The following STK32B variants were observed in gnomAD, a reference collection of about 807,000 sequenced individuals.
STK32B encodes the protein serine/threonine-protein kinase 32B.
In STK32B, 43 loss-of-function variants were observed where a neutral mutation model predicts 52.6. The ratio of observed to expected loss-of-function variants is 0.82; its 90% CI spans 0.64 to 1.05. The LOEUF (loss-of-function observed/expected upper bound fraction) is 1.05, where lower values mean the gene tolerates loss of function less well. Among genes scored for constraint, STK32B ranks in the 50% least tolerant of loss-of-function variants. The probability of loss-of-function intolerance (pLI) is 0.00; values close to 1 mark genes in which losing one functional copy is unlikely to be tolerated. For synonymous variants in STK32B, 238 were observed against 204.3 expected (o/e 1.17, Z -1.41); for missense variants, 621 against 534.6 (o/e 1.16, Z -1.59).
the STK32B span, among the ~76,000 whole-genome samples, chr4:5,045,653 G>A: frequency 2.5e-4 from 38 of 151,928 alleles, no homozygotes; most frequent in Non-Finnish European, 4.4e-4. Flanking sequence ...GTATTCCTAG[G>A]TACTCTTTGT....
intron 11 of STK32B, among the ~76,000 whole-genome samples, chr4:5,471,836 C>T (rs920574262): frequency 2.6e-5 from 4 of 152,172 alleles, no homozygotes; most frequent in African/African-American, 9.7e-5. Context: ...CTCTGACTCC[C>T]TTGCCCTTAG....
Position 5,358,699 on chromosome 4 carries a change from A to ACGCGCG in STK32B, c.434+27306_434+27307insCGCGCG, listed in dbSNP as rs760924835. ...GACATGCCAGGACACATTCACACACATGCACACACACACACACACACACAG... is the reference window on the plus strand; with the variant it reads ...GACATGCCAGGACACATTCACACACACGCGCGTGCACACACACACACACACACACAG... On this transcript the variant is annotated intron_variant, in intron 4 of 11. Coordinates refer to ENST00000282908, the MANE Select transcript of STK32B (RefSeq NM_018401.3). Among the ~76,000 whole-genome samples, 19 of 95,272 alleles carry ACGCGCG rather than the reference A, an allele frequency of 2.0e-4. No homozygotes were observed. The South Asian group carries it at 2.2e-3, about 11-fold the overall frequency. 62.5% of individuals were successfully genotyped at this position (95,272 alleles called of 152,430 possible). A position where few individuals can be genotyped will look rare whatever the true frequency, so the allele number is the denominator to read the frequency against.
chr4:5,025,252 C>T, the STK32B span, among the ~76,000 whole-genome samples: 8 of 152,212 alleles, frequency 5.3e-5, no homozygotes, highest in African/African-American at 7.2e-5. Context: ...AACAGTGAGA[C>T]GACCCCCACC....
chr4:5,236,214 T>C lies in STK32B; in HGVS notation c.260+67764T>C, dbSNP rs775294359. On this transcript the variant is annotated intron_variant, in intron 3 of 11. Coordinates refer to ENST00000282908, the MANE Select transcript of STK32B (RefSeq NM_018401.3). ...ATGTGTCTCCCAGTCACTCTCACCA[T>C]GTTCCAGCTTTACTTTTCTGAACTT... Among the ~76,000 whole-genome samples the C allele has an allele frequency of 5.3e-5, 8 of 152,186 alleles. No homozygotes were observed. The East Asian group carries it at 1.5e-3, about 29-fold the overall frequency.
At chr4:5,488,380 C>T (rs1308391773) in intron 11 of STK32B, among the ~76,000 whole-genome samples, 1 of 152,316 alleles carries the variant, frequency 6.6e-6, no homozygotes. Context: ...ACAAACAGAA[C>T]ATCCTGCAAT....
rs113806247 is a variant in STK32B, at chr4:5,386,873, G to T, written c.435-11334G>T. Among the ~76,000 whole-genome samples the T allele has an allele frequency of 6.6e-6, 1 of 152,154 alleles. No individual in the cohort carries two copies. Among genetic ancestry groups the T allele is most frequent in the Admixed American group, 6.5e-5 (1 of 15,274 alleles). The stretch of plus-strand genomic sequence containing the variant: ...TTGATACGAACTTGAGATCTTTCCC[G>T]CATTGTCCTCAGAAAGCTGGATGAG... On this transcript the variant is annotated intron_variant, in intron 4 of 11. Transcript: ENST00000282908. This position sits in a 1 kb window ranked among gnomAD's most constrained non-coding sequence, Gnocchi z 4.5.
At chr4:5,411,449 C>G (rs1417323413) in intron 5 of STK32B, among the ~76,000 whole-genome samples, 1 of 152,104 alleles carries the variant, frequency 6.6e-6, no homozygotes, top group African/African-American at 2.4e-5. Context: ...AACAATGAAA[C>G]AATAAAAAAT....
the STK32B span, among the ~76,000 whole-genome samples, chr4:5,043,667 C>G: frequency 6.6e-6 from 1 of 152,350 alleles, no homozygotes. Flanking sequence ...TGCTACTCCT[C>G]GGAGTGCTGT....
At chr4:5,252,592 A>T (rs963309993) in intron 3 of STK32B, among the ~76,000 whole-genome samples, 1 of 151,792 alleles carries the variant, frequency 6.6e-6, no homozygotes, top group South Asian at 2.1e-4. Flanking sequence ...CAGCCTGTCC[A>T]CTCTATTACA....
At chr4:5,126,905 T>C (rs1199921377) in intron 1 of STK32B, among the ~76,000 whole-genome samples, 1 of 152,074 alleles carries the variant, frequency 6.6e-6, no homozygotes, top group Non-Finnish European at 1.5e-5. Context: ...TGGTTTAGAG[T>C]CTACTGATAT....
chr4:5,378,355 T>C lies in STK32B; in HGVS notation c.435-19852T>C, dbSNP rs1026575411. On this transcript the variant is annotated intron_variant, in intron 4 of 11. Transcript: ENST00000282908. The surrounding 1 kb of genome is among the most constrained non-coding windows in gnomAD (Gnocchi z 4.4). ...CTTGGATCTGCAAAAGGCAGACCAG[T>C]AGCCAAGCTCCTAGAGATTCTGAAG... Among the ~76,000 whole-genome samples the C allele has an allele frequency of 6.6e-6, 1 of 152,214 alleles. No individual in the cohort carries two copies.
At chr4:5,251,473 T>A (rs926979483) in intron 3 of STK32B, among the ~76,000 whole-genome samples, 1 of 152,230 alleles carries the variant, frequency 6.6e-6, no homozygotes, top group Non-Finnish European at 1.5e-5. Context: ...GCTATTTTGT[T>A]TACTGTAGCC....
At chr4:5,335,052 G>A (rs577299258) in intron 4 of STK32B, among the ~76,000 whole-genome samples, 11 of 150,652 alleles carry the variant, frequency 7.3e-5, no homozygotes, top group South Asian at 6.3e-4. Context: ...AGAAGGAATG[G>A]TACCAGTTCC....
intron 3 of STK32B, among the ~76,000 whole-genome samples, chr4:5,184,463 G>A (rs1454188703): frequency 1.3e-5 from 2 of 152,122 alleles, no homozygotes; most frequent in Non-Finnish European, 2.9e-5. Flanking sequence ...TGAGGCAGGT[G>A]GATCCCTTGA....
chr4:5,063,008 T>A (rs1742274781), intron 1 of STK32B, among the ~76,000 whole-genome samples: 1 of 152,220 alleles, frequency 6.6e-6, no homozygotes. Flanking sequence ...CTGATTGCAC[T>A]GTACTGCTTC....
intron 4 of STK32B, among the ~76,000 whole-genome samples, chr4:5,334,645 T>C (rs371660540): frequency 2.6e-5 from 4 of 151,804 alleles, no homozygotes; most frequent in East Asian, 3.9e-4. Context: ...TTTTGAGATA[T>C]GTCCCATCAA....
At chr4:5,276,535 G>A (rs1727835926) in intron 3 of STK32B, among the ~76,000 whole-genome samples, 1 of 152,132 alleles carries the variant, frequency 6.6e-6, no homozygotes, top group Admixed American at 6.5e-5. Flanking sequence ...AAACAAAAGG[G>A]TAGTTAATAC....
chr4:5,335,456 G>C (rs1732595625), intron 4 of STK32B, among the ~76,000 whole-genome samples: 1 of 151,830 alleles, frequency 6.6e-6, no homozygotes, highest in African/African-American at 2.4e-5. Context: ...TTTTTTCAAT[G>C]GTTTTTTATG....
chr4:5,364,309 C>T (rs957376300), intron 4 of STK32B, among the ~76,000 whole-genome samples: 1 of 152,158 alleles, frequency 6.6e-6, no homozygotes, highest in Non-Finnish European at 1.5e-5. Context: ...TAAAGTTCAG[C>T]ATATCTGTTA....
Sources: allele counts gnomAD v4.1 joint callset (sites outside exome capture counted in the v4.1 genomes callset), GRCh38; gene constraint gnomAD v4.1.1; non-coding constraint Gnocchi (gnomAD v3.1); transcripts MANE v1.5; gene names NCBI Gene and HGNC (gene_info 2026-07-23, HGNC 2026-07-21).